ICA1L: variants seen among roughly 807,000 people sequenced by gnomAD.
ICA1L encodes the protein islet cell autoantigen 1-like protein.
In ICA1L, 50 loss-of-function variants were observed where a neutral mutation model predicts 61.3. The ratio of observed to expected loss-of-function variants is 0.82; its 90% CI spans 0.65 to 1.03. The LOEUF is 1.03. Ranked by LOEUF, ICA1L falls within the 50% of genes least tolerant of loss-of-function variation. ICA1L has a pLI of 0.00. For synonymous variants in ICA1L, 161 were observed against 191.3 expected (o/e 0.84, Z 1.31); for missense variants, 508 against 556.7 (o/e 0.91, Z 0.88).
intron 1 of ICA1L, among the ~76,000 whole-genome samples, chr2:202,858,048 G>A (rs1332813185): frequency 6.6e-6 from 1 of 152,188 alleles, no homozygotes; most frequent in African/African-American, 2.4e-5. Context: ...GGACCATTGT[G>A]GAAGACAGTG....
intron 1 of ICA1L, among the ~76,000 whole-genome samples, chr2:202,836,812 T>TAGATATATAGATATAGATATAG (rs1192342177): frequency 6.8e-6 from 1 of 147,638 alleles, no homozygotes; most frequent in Non-Finnish European, 1.5e-5. Context: ...TATAGATATA[T>TAGATATATAGATATAGATATAG]ATAGATATAT....
chr2:202,807,442 C>T (rs935807834), intron 9 of ICA1L, among the ~76,000 whole-genome samples: 1 of 152,212 alleles, frequency 6.6e-6, no homozygotes, highest in Non-Finnish European at 1.5e-5. Flanking sequence ...CAGAGGGGAA[C>T]CACCCATCCC....
intron 5 of ICA1L, 174 bp downstream of exon 5, chr2:202,819,527 G>A: frequency 5.0e-6 from 3 of 598,142 alleles, no homozygotes; most frequent in Non-Finnish European, 8.8e-6. Context: ...CACTCCAGGA[G>A]TAAAAATAAA....
At chr2:202,785,567 C>T (rs1258270177) in intron 12 of ICA1L, among the ~76,000 whole-genome samples, 1 of 152,046 alleles carries the variant, frequency 6.6e-6, no homozygotes, top group Admixed American at 6.6e-5. Flanking sequence ...CTACAGGTGC[C>T]CGCCACCATG....
At chr2:202,803,896 T>C (rs987802496) in intron 9 of ICA1L, among the ~76,000 whole-genome samples, 2 of 152,126 alleles carry the variant, frequency 1.3e-5, no homozygotes, top group African/African-American at 2.4e-5. Flanking sequence ...CAAAAAGATA[T>C]AAAAATTCTA....
In ICA1L at chr2:202,776,140, ACTGAAAC is replaced by A. The variant is rs1204991036; in HGVS notation, c.*3386_*3392del. On this transcript the variant is annotated 3_prime_UTR_variant, in exon 13 of 13. Transcript: ENST00000358299. ...CAAAACACTTTTTCAGTGTGCAAAT[ACTGAAAC>A]CTGTTTGTTGAAATACAGTTTGTTT... The A allele has an allele frequency of 6.6e-6, 1 of 152,220 alleles. No individual in the cohort carries two copies. The highest frequency in any genetic ancestry group is 1.5e-5 in the Non-Finnish European group (1 of 68,040). 9.4% of individuals were successfully genotyped at this position (152,220 alleles called of 1,614,324 possible). A position where few individuals can be genotyped will look rare whatever the true frequency, so the allele number is the denominator to read the frequency against.
chr2:202,834,514 G>C (rs1304041516), intron 1 of ICA1L, among the ~76,000 whole-genome samples: 2 of 152,070 alleles, frequency 1.3e-5, no homozygotes, highest in African/African-American at 4.8e-5. Flanking sequence ...TGCAGTCCCT[G>C]CTACTAGGGA....
intron 1 of ICA1L, among the ~76,000 whole-genome samples, chr2:202,854,825 A>G (rs1222006401): frequency 2.6e-5 from 4 of 152,300 alleles, no homozygotes; most frequent in African/African-American, 9.6e-5. Flanking sequence ...CAGGAGTTTG[A>G]GACCAGCCTG....
At chr2:202,797,144 G>A (rs1574333979) in intron 9 of ICA1L, among the ~76,000 whole-genome samples, 180 bp from the exon 10 acceptor site, 1 of 75,584 alleles carries the variant, frequency 1.3e-5, no homozygotes, top group Admixed American at 1.4e-4. Context: ...GTGTGTGTGT[G>A]TGTGTGTGTG....
chr2:202,828,883 C>G lies in ICA1L; in HGVS notation c.127G>C (p.Val43Leu), dbSNP rs758991122. 2.5e-6 allele frequency: 4 copies of G among 1,613,978 alleles called. No homozygotes were observed. In the African/African-American group the frequency reaches 5.3e-5, roughly 22 times the overall value. The part of the protein sequence containing the change: ...ATGKKEDEHL[V>L]ASDAELDAKL... Reference sequence around the variant, plus strand: ...GCATCCAGTTCAGCATCAGACGCCACCAAGTGCTCATCCTCTTTTTTTCCT... The same window carrying G: ...GCATCCAGTTCAGCATCAGACGCCAGCAAGTGCTCATCCTCTTTTTTTCCT... Residue 43 changes from valine (V) to leucine (L), a missense_variant, in exon 2 of 13, where the codon GTG becomes CTG. Coordinates refer to ENST00000358299, the MANE Select transcript of ICA1L (RefSeq NM_001288622.3).
chr2:202,860,359 AAAAATGACAT>A (rs1694879344), intron 1 of ICA1L: 1 of 151,790 alleles, frequency 6.6e-6, no homozygotes, highest in South Asian at 2.1e-4. Context: ...CAAACACATT[AAAAATGACAT>A]TAAATATAAA....
At position 202,778,298 on chromosome 2, in the gene ICA1L, G is replaced by GTGAT. The variant is rs1182225996; in HGVS notation, c.*1231_*1234dup. ...GCAATTTAAAAGGACAGGAAATTGA[G>GTGAT]TGATTGATGTGTGTGTACGGTAGCT... is the stretch of plus-strand genomic sequence containing the variant. On this transcript the variant is annotated 3_prime_UTR_variant, in exon 13 of 13. Coordinates refer to ENST00000358299, the MANE Select transcript of ICA1L (RefSeq NM_001288622.3). 6 of 152,294 alleles carry GTGAT rather than the reference G, an allele frequency of 3.9e-5. No individual in the cohort carries two copies. In the East Asian group the frequency reaches 1.2e-3, roughly 29 times the overall value. The allele number at this position is 152,294 out of a possible 1,614,324, so 9.4% of individuals were successfully genotyped here. A position where few individuals can be genotyped will look rare whatever the true frequency, so the allele number is the denominator to read the frequency against.
chr2:202,851,800 A>T (rs1172664013), intron 1 of ICA1L, among the ~76,000 whole-genome samples: 1 of 152,160 alleles, frequency 6.6e-6, no homozygotes, highest in Non-Finnish European at 1.5e-5. Context: ...TTGGCTGCAT[A>T]AATGTCTTCT....
chr2:202,787,551 T>C (rs935028647), intron 11 of ICA1L, among the ~76,000 whole-genome samples: 1 of 152,254 alleles, frequency 6.6e-6, no homozygotes, highest in African/African-American at 2.4e-5. Context: ...TTCTATTCAA[T>C]CAATTCTTAC....
rs561062196 is a variant in ICA1L, at chr2:202,798,236, C to CT, written c.911-1273dup. Among the ~76,000 whole-genome samples, 22 of 151,212 alleles carry CT rather than the reference C, an allele frequency of 1.5e-4. No homozygotes were observed. The South Asian group carries it at 3.8e-3, about 26-fold the overall frequency. On this transcript the variant is annotated intron_variant, in intron 9 of 12. Transcript: ENST00000358299. ...CTATTGTGATTAAGGATATGCTTTA[C>CT]TTTTTTTTTGAGAAAGGGTCATGCT...
chr2:202,820,354 G>T (rs1234979257), intron 4 of ICA1L, among the ~76,000 whole-genome samples: 2 of 149,346 alleles, frequency 1.3e-5, no homozygotes, highest in Non-Finnish European at 3.0e-5. Flanking sequence ...CAGCCTGGGC[G>T]ACAGAGCGAA....
chr2:202,814,825 C>T (rs1479160495), intron 7 of ICA1L, 41 bp from the exon 8 acceptor site: 16 of 1,279,064 alleles, frequency 1.3e-5, no homozygotes, highest in Non-Finnish European at 1.8e-5. Context: ...TAGAATGAAT[C>T]TGTTTCTTCT....
At chr2:202,800,088 G>A (rs566556065) in intron 9 of ICA1L, among the ~76,000 whole-genome samples, 26 of 151,842 alleles carry the variant, frequency 1.7e-4, no homozygotes, top group Admixed American at 1.2e-3. Flanking sequence ...TCACCATGTT[G>A]GCCAGGATGG....
rs559683925 is a variant in ICA1L, at chr2:202,797,919, T to C, written c.911-955A>G. ...TACTCCTCCCGGTCTAGTTGAAATT[T>C]TGTATCCTTTGGCCATCCCCCCAGT... On this transcript the variant is annotated intron_variant, in intron 9 of 12. Transcript: ENST00000358299. Among the ~76,000 whole-genome samples the C allele has an allele frequency of 7.9e-5, 12 of 152,314 alleles. No homozygotes were observed. The South Asian group carries it at 2.5e-3, about 32-fold the overall frequency.
Sources: allele counts gnomAD v4.1 joint callset (sites outside exome capture counted in the v4.1 genomes callset), GRCh38; gene constraint gnomAD v4.1.1; transcripts MANE v1.5; gene names NCBI Gene and HGNC (gene_info 2026-07-23, HGNC 2026-07-21).